The following SLC30A6 variants were observed in gnomAD, a reference collection of about 807,000 sequenced individuals.
The protein encoded by SLC30A6 is solute carrier family 30 member 6.
A neutral mutation model predicts 63.0 loss-of-function variants in SLC30A6; 55 were observed. The ratio of observed to expected loss-of-function variants is 0.87; its 90% CI spans 0.70 to 1.09. The LOEUF is 1.09. SLC30A6 is among the 50% of genes least tolerant of loss of function. The probability of loss-of-function intolerance (pLI) is 0.00; values close to 1 mark genes in which losing one functional copy is unlikely to be tolerated. For missense variants in SLC30A6, 587 were observed against 549.2 expected, an observed-to-expected ratio of 1.07 and a Z score of -0.69; for synonymous variants, 224 against 186.1, an observed-to-expected ratio of 1.20 and a Z score of -1.66.
At chr2:32,198,397 A>G (rs1037440235) in intron 10 of SLC30A6, among the ~76,000 whole-genome samples, 6 of 152,058 alleles carry the variant, frequency 3.9e-5, no homozygotes, top group African/African-American at 1.4e-4. Flanking sequence ...CCACATCTCT[A>G]TTGAATTCCA....
chr2:32,216,356 C>T (rs539337255), intron 13 of SLC30A6, among the ~76,000 whole-genome samples: 2 of 151,960 alleles, frequency 1.3e-5, no homozygotes, highest in Non-Finnish European at 2.9e-5. Context: ...GCCAACATAG[C>T]GAAATCCTAT....
chr2:32,187,242 A>T lies in SLC30A6; in HGVS notation c.284+2904A>T, dbSNP rs111345743. ...TGCTCCTATCAAGACCTTAATTCAC[A>T]CCTTCTCACCTTCATCCGAGAGAGG... is the stretch of plus-strand genomic sequence containing the variant. On this transcript the variant is annotated intron_variant, in intron 5 of 13. Transcript: ENST00000282587. 2,747 of 470,918 alleles carry T rather than the reference A, an allele frequency of 5.8e-3. 62 individuals carry two copies. Among genetic ancestry groups the T allele is most frequent in the African/African-American group, 0.046 (2,282 of 50,148 alleles). 29.2% of individuals were successfully genotyped at this position (470,918 alleles called of 1,614,324 possible). A position where few individuals can be genotyped will look rare whatever the true frequency, so the allele number is the denominator to read the frequency against.
chr2:32,174,138 A>G lies in SLC30A6; in HGVS notation c.166A>G (p.Asn56Asp), dbSNP rs765830081. The G allele has an allele frequency of 8.1e-6, 13 of 1,612,226 alleles. No homozygotes were observed. Among genetic ancestry groups the G allele is most frequent in the Admixed American group, 6.7e-5 (4 of 59,914 alleles). ...CCTGCTTATGTGGTGCAGTTCTACT[A>G]ATAGTATAGGTATGTCACCTTTGTA... is the stretch of plus-strand genomic sequence containing the variant. ...GFLLMWCSST[N>D]SIALTAYTYL... Residue 56 changes from asparagine to aspartate, a missense_variant, in exon 3 of 14, where the codon AAT becomes GAT. Asn to Asp is a conservative substitution (Grantham distance 23). Coordinates refer to ENST00000282587, the MANE Select transcript of SLC30A6 (RefSeq NM_017964.5).
At chr2:32,199,856 T>G (rs1215275179) in intron 10 of SLC30A6, among the ~76,000 whole-genome samples, 1 of 152,152 alleles carries the variant, frequency 6.6e-6, no homozygotes, top group East Asian at 1.9e-4. Context: ...GGCTTACACC[T>G]GTAGTCCCAG....
intron 3 of SLC30A6, among the ~76,000 whole-genome samples, chr2:32,175,071 CT>C (rs948655361): frequency 9.9e-5 from 15 of 151,986 alleles, no homozygotes; most frequent in Non-Finnish European, 2.1e-4. Context: ...GGTAACAGGG[CT>C]TTTGAACATT....
intron 13 of SLC30A6, among the ~76,000 whole-genome samples, chr2:32,216,579 A>AAATAAAT (rs998682593): frequency 2.2e-5 from 3 of 138,546 alleles, no homozygotes; most frequent in African/African-American, 5.5e-5. Flanking sequence ...ATAAATAAAT[A>AAATAAAT]AATAATAATA....
At chr2:32,196,413 T>A (rs1164904100) in intron 8 of SLC30A6, among the ~76,000 whole-genome samples, 4 of 152,200 alleles carry the variant, frequency 2.6e-5, no homozygotes, top group Non-Finnish European at 5.9e-5. Context: ...TGCTAAATAC[T>A]TTACATAGAA....
At chr2:32,193,321 T>C (rs950830344) in intron 7 of SLC30A6, among the ~76,000 whole-genome samples, 6 of 152,198 alleles carry the variant, frequency 3.9e-5, no homozygotes, top group African/African-American at 1.4e-4. Flanking sequence ...TTCAGTGTAA[T>C]CCCAGCACTT....
At position 32,178,427 on chromosome 2, in the gene SLC30A6, A is replaced by C. The variant is rs187669807; in HGVS notation, c.218+3066A>C. Among the ~76,000 whole-genome samples, 899 of 152,206 alleles carry C rather than the reference A, an allele frequency of 5.9e-3. 11 individuals are homozygous for C. The highest frequency in any genetic ancestry group is 0.02 in the African/African-American group (841 of 41,542). On this transcript the variant is annotated intron_variant, in intron 4 of 13. Transcript: ENST00000282587. ...GGTGGCTGATGCCTGTAATCCCAGC[A>C]CTTTGGGAGGCCAAGGCAGGTGGAC...
intron 10 of SLC30A6, chr2:32,202,523 G>A (rs1684388705): frequency 3.3e-6 from 1 of 300,582 alleles, no homozygotes; most frequent in African/African-American, 2.2e-5. Context: ...AGTAGAGACG[G>A]GATTTCACCG....
intron 9 of SLC30A6, 21 bp downstream of exon 9, chr2:32,197,413 A>G (rs1207939073): frequency 6.2e-7 from 1 of 1,602,668 alleles, no homozygotes; most frequent in South Asian, 1.1e-5. Context: ...ATGGAGTTTC[A>G]TGATATGCAT....
chr2:32,180,507 C>A (rs557400849), intron 4 of SLC30A6, among the ~76,000 whole-genome samples: 2 of 152,240 alleles, frequency 1.3e-5, no homozygotes, highest in East Asian at 3.9e-4. Context: ...TGGCTCACTG[C>A]ATGCAGCCTC....
At chr2:32,190,452 C>T (rs1255042062) in intron 5 of SLC30A6, among the ~76,000 whole-genome samples, 1 of 129,698 alleles carries the variant, frequency 7.7e-6, no homozygotes, top group Non-Finnish European at 1.6e-5. Context: ...GAGTGAGACT[C>T]CGTCTCAAAA....
In SLC30A6 at chr2:32,220,502, C is replaced by T. The variant is rs1229531823; in HGVS notation, c.1175C>T (p.Pro392Leu). The T allele has an allele frequency of 4.3e-6, 7 of 1,614,064 alleles. No homozygotes were observed. In the African/African-American group the frequency reaches 8.0e-5, roughly 18 times the overall value. The change falls in exon 14 of 14, where the codon CCT becomes CTT. Residue 392 changes from proline to leucine, a missense_variant. Transcript: ENST00000282587. ...CCTCCAGAATTTTCATTTAACACTC[C>T]TGGGAAAAATGTGAACCCAGTTATT... ...SPPPEFSFNT[P>L]GKNVNPVILL...
chr2:32,215,409 G>T (rs1685610176), intron 13 of SLC30A6, among the ~76,000 whole-genome samples: 2 of 151,208 alleles, frequency 1.3e-5, no homozygotes, highest in African/African-American at 4.9e-5. Context: ...TGTCCAGTCT[G>T]GTCTCAAACT....
At chr2:32,206,586 A>G (rs925077088) in intron 11 of SLC30A6, among the ~76,000 whole-genome samples, 3 of 152,226 alleles carry the variant, frequency 2.0e-5, no homozygotes, top group Non-Finnish European at 2.9e-5. Flanking sequence ...GCATAGTGCT[A>G]TGCCCTATAC....
Position 32,192,899 on chromosome 2 carries a change from A to G in SLC30A6, c.366-19A>G, listed in dbSNP as rs112317670. 3.1e-3 allele frequency: 4,476 copies of G among 1,448,036 alleles called. 101 individuals are homozygous for G. In the African/African-American group the frequency reaches 0.047, roughly 15 times the overall value. 89.7% of individuals were successfully genotyped at this position (1,448,036 alleles called of 1,614,324 possible). A position where few individuals can be genotyped will look rare whatever the true frequency, so the allele number is the denominator to read the frequency against. ...TTATAATTTATAGGACTTATTTAAT[A>G]TATTTTTATTTCTTATAGTGCAGAA... On this transcript the variant is annotated intron_variant, in intron 6 of 13. Transcript: ENST00000282587.
intron 9 of SLC30A6, 71 bp downstream of exon 9, chr2:32,197,463 A>T (rs939838089): frequency 2.0e-5 from 29 of 1,451,296 alleles, no homozygotes; most frequent in Non-Finnish European, 2.8e-5. Context: ...TATCATGGGA[A>T]CTTAAATTAT....
chr2:32,206,889 A>C lies in SLC30A6; in HGVS notation c.772A>C (p.Thr258Pro), dbSNP rs915708921. The C allele has an allele frequency of 3.7e-6, 6 of 1,611,654 alleles. No individual in the cohort carries two copies. Among genetic ancestry groups the C allele is most frequent in the Middle Eastern group, 1.6e-4 (1 of 6,084 alleles). The change falls in exon 12 of 14, where the codon ACA becomes CCA. Residue 258 changes from threonine (T) to proline (P), a missense_variant. Coordinates refer to ENST00000282587, the MANE Select transcript of SLC30A6 (RefSeq NM_017964.5). ...ATTTTATTGTATTTTTCCCCAGACAACACCACCCCATGTTATTGGTCAGTT... is the reference window on the plus strand; with the variant it reads ...ATTTTATTGTATTTTTCCCCAGACACCACCACCCCATGTTATTGGTCAGTT... ...VYSGKVLLQT[T>P]PPHVIGQLDK...
Sources: allele counts gnomAD v4.1 joint callset (sites outside exome capture counted in the v4.1 genomes callset), GRCh38; gene constraint gnomAD v4.1.1; transcripts MANE v1.5; gene names NCBI Gene and HGNC (gene_info 2026-07-23, HGNC 2026-07-21).